Variants in PRKN observed in about 807,000 individuals in gnomAD.
PRKN encodes E3 ubiquitin-protein ligase parkin.
Under a neutral mutation model 59.5 loss-of-function variants are expected in PRKN, and 56 were observed. The ratio of observed to expected loss-of-function variants is 0.94; its 90% CI spans 0.76 to 1.18. The LOEUF is 1.18. Ranked by LOEUF, PRKN falls within the 50% of genes most tolerant of loss-of-function variation. The pLI, the probability that PRKN is intolerant of heterozygous loss-of-function variation, is 0.00. For missense variants in PRKN, 657 were observed against 596.4 expected (o/e 1.10, Z -1.06); for synonymous variants, 250 against 222.1 (o/e 1.13, Z -1.12).
intron 2 of PRKN, among the ~76,000 whole-genome samples, chr6:162,300,865 T>C (rs984156848): frequency 2.6e-5 from 4 of 152,008 alleles, no homozygotes; most frequent in African/African-American, 9.7e-5. Flanking sequence ...AACCTATACA[T>C]TAACAAAATA....
chr6:161,879,042 C>T (rs1190461996), intron 6 of PRKN, among the ~76,000 whole-genome samples: 1 of 152,104 alleles, frequency 6.6e-6, no homozygotes, highest in Non-Finnish European at 1.5e-5. Flanking sequence ...ATTTAAAGTG[C>T]CGATTCCTAC....
At chr6:162,411,731 T>C (rs908501127) in intron 2 of PRKN, among the ~76,000 whole-genome samples, 1 of 152,148 alleles carries the variant, frequency 6.6e-6, no homozygotes, top group Non-Finnish European at 1.5e-5. Context: ...TAACTATAAT[T>C]ATTAGGAGAC....
At position 161,362,631 on chromosome 6, in the gene PRKN, G is replaced by A. The variant is rs1582970930; in HGVS notation, c.1168-2426C>T. ...TTCCTAACCATCAGGCCTCGGACAC[G>A]AGGGTTGGTGAAAAGAATTCATCCT... On this transcript the variant is annotated intron_variant, in intron 10 of 11. Coordinates refer to ENST00000366898, the MANE Select transcript of PRKN (RefSeq NM_004562.3). This position sits in a 1 kb window ranked among gnomAD's most constrained non-coding sequence, Gnocchi z 5.2. Among the ~76,000 whole-genome samples, 5 of 152,344 alleles carry A rather than the reference G, an allele frequency of 3.3e-5. No individual in the cohort carries two copies.
rs1385431083 is a variant in PRKN at position 161,680,766 on chromosome 6, TATATA to T, written c.871+105001_871+105005del. ...ATATATATATATATATATATATATA[TATATA>T]TATATTTTTTTTTTTTTTTCTTTTC... On this transcript the variant is annotated intron_variant, in intron 7 of 11. Transcript: ENST00000366898. Among the ~76,000 whole-genome samples, 60 of 19,238 alleles carry T rather than the reference TATATA, an allele frequency of 3.1e-3. 2 individuals are homozygous for T. The highest frequency in any genetic ancestry group is 0.012 in the South Asian group (4 of 344). 12.6% of individuals were successfully genotyped at this position (19,238 alleles called of 152,430 possible).
Position 162,307,378 on chromosome 6 carries a change from C to T in PRKN, c.172-44613G>A, listed in dbSNP as rs61399464. On this transcript the variant is annotated intron_variant, in intron 2 of 11. Coordinates refer to ENST00000366898, the MANE Select transcript of PRKN (RefSeq NM_004562.3). ...CCATGCCACTGCGCTCCAGCCTGGG[C>T]GGCAAAGAGACACCGTCTCAATAAA... Among the ~76,000 whole-genome samples, 561 of 146,282 alleles carry T rather than the reference C, an allele frequency of 3.8e-3. 8 individuals are homozygous for T. The highest frequency in any genetic ancestry group is 0.028 in the South Asian group (128 of 4,560).
At chr6:162,301,921 T>C (rs1251474827) in intron 2 of PRKN, among the ~76,000 whole-genome samples, 4 of 152,132 alleles carry the variant, frequency 2.6e-5, no homozygotes, top group Non-Finnish European at 5.9e-5. Flanking sequence ...CAAATGTATT[T>C]CCAACTACCT....
chr6:162,666,032 C>T (rs554442953), intron 1 of PRKN, among the ~76,000 whole-genome samples: 7 of 152,114 alleles, frequency 4.6e-5, no homozygotes, highest in African/African-American at 7.2e-5. Flanking sequence ...AAAATTAATT[C>T]GATTGATTAA....
intron 1 of PRKN, among the ~76,000 whole-genome samples, chr6:162,554,567 G>A (rs1779474703): frequency 6.6e-6 from 1 of 151,254 alleles, no homozygotes; most frequent in East Asian, 1.9e-4. Context: ...TGGCAGACAG[G>A]ACAGATAAAC....
At chr6:162,411,257 G>C (rs1429295769) in intron 2 of PRKN, among the ~76,000 whole-genome samples, 5 of 152,178 alleles carry the variant, frequency 3.3e-5, no homozygotes, top group South Asian at 2.1e-4. Flanking sequence ...TTTACAAGAA[G>C]TGACTAGGTT....
intron 5 of PRKN, among the ~76,000 whole-genome samples, chr6:162,018,992 C>T (rs1290183475): frequency 6.6e-6 from 1 of 152,108 alleles, no homozygotes; most frequent in Admixed American, 6.6e-5. Flanking sequence ...ATCACAAATT[C>T]TTCTTATGTA....
chr6:162,663,599 C>T (rs1242144199), intron 1 of PRKN, among the ~76,000 whole-genome samples: 1 of 152,084 alleles, frequency 6.6e-6, no homozygotes, highest in East Asian at 1.9e-4. Context: ...TTAGAACTTG[C>T]ACTGGTTCCT....
intron 4 of PRKN, among the ~76,000 whole-genome samples, chr6:162,107,461 T>C (rs1017900903): frequency 7.2e-5 from 11 of 152,166 alleles, no homozygotes. Context: ...CGAGACTCTG[T>C]CTCAAAATAA....
chr6:161,423,535 A>G lies in PRKN; in HGVS notation c.1084-36658T>C, dbSNP rs1433032662. On this transcript the variant is annotated intron_variant, in intron 9 of 11. Transcript: ENST00000366898. The surrounding 1 kb of genome is among the most constrained non-coding windows in gnomAD (Gnocchi z 5.9). ...ATGTGGATGACAAAGGACATCTTAA[A>G]ATTCCTTGATTTGGGGCCAATGACA... Among the ~76,000 whole-genome samples the G allele has an allele frequency of 6.6e-6, 1 of 152,180 alleles. No individual in the cohort carries two copies. The highest frequency in any genetic ancestry group is 1.5e-5 in the Non-Finnish European group (1 of 68,028).
intron 7 of PRKN, among the ~76,000 whole-genome samples, chr6:161,651,321 C>T (rs1466499632): frequency 6.6e-6 from 1 of 152,190 alleles, no homozygotes; most frequent in South Asian, 2.1e-4. Flanking sequence ...TCCCAGCAAA[C>T]ACCACGGACC....
intron 6 of PRKN, among the ~76,000 whole-genome samples, chr6:161,829,710 A>C: frequency 6.6e-6 from 1 of 152,182 alleles, no homozygotes; most frequent in East Asian, 1.9e-4. Context: ...CGGAGAGCAA[A>C]GAAAGCAAAG....
At chr6:162,368,460 G>GC (rs1785570792) in intron 2 of PRKN, among the ~76,000 whole-genome samples, 2 of 152,072 alleles carry the variant, frequency 1.3e-5, no homozygotes, top group African/African-American at 4.8e-5. Flanking sequence ...TTCTTAAAAC[G>GC]CAACTATTCT....
Position 162,325,073 on chromosome 6 carries a change from G to C in PRKN, c.172-62308C>G, listed in dbSNP as rs144921041. Among the ~76,000 whole-genome samples the C allele has an allele frequency of 4.1e-3, 626 of 152,120 alleles. 2 individuals are homozygous for C. The highest frequency in any genetic ancestry group is 0.014 in the African/African-American group (601 of 41,510). ...GAAAAAAAAATCCATAAATACACAA[G>C]TAATAACATTATTTTAAAATTAAAT... On this transcript the variant is annotated intron_variant, in intron 2 of 11. Transcript: ENST00000366898.
intron 7 of PRKN, among the ~76,000 whole-genome samples, chr6:161,574,269 T>C (rs1160667978): frequency 2.6e-5 from 4 of 152,056 alleles, no homozygotes; most frequent in African/African-American, 9.7e-5. Flanking sequence ...CAGAATGCAT[T>C]CGCGTAGGGA....
chr6:161,787,341 A>T (rs1414974275), intron 6 of PRKN, among the ~76,000 whole-genome samples: 13 of 152,198 alleles, frequency 8.5e-5, no homozygotes, highest in Admixed American at 8.5e-4. Context: ...GCAAGGGCGC[A>T]CCTAAAGGTG....
Sources: gnomAD v4.1 joint callset for allele counts (sites outside exome capture counted in the v4.1 genomes callset) on GRCh38, gnomAD v4.1.1 for gene constraint, Gnocchi (gnomAD v3.1) non-coding constraint, MANE v1.5 for transcripts, NCBI Gene and HGNC (gene_info 2026-07-23, HGNC 2026-07-21) for gene names.